Variants in CAB39L observed in about 807,000 individuals in gnomAD.
The protein encoded by CAB39L is calcium-binding protein 39-like.
CAB39L carries 23 observed loss-of-function variants against 39.1 expected under a neutral mutation model. That is an observed-to-expected ratio of 0.59 (90% CI 0.42 to 0.83). The LOEUF (loss-of-function observed/expected upper bound fraction) is 0.83. CAB39L is among the 40% of genes least tolerant of loss of function. The pLI is 0.00. For missense variants in CAB39L, 366 were observed against 391.9 expected, an observed-to-expected ratio of 0.93 and a Z score of 0.56; for synonymous variants, 126 against 137.2, an observed-to-expected ratio of 0.92 and a Z score of 0.57.
At chr13:49,349,737 T>A (rs993103521) in intron 7 of CAB39L, among the ~76,000 whole-genome samples, 1 of 152,174 alleles carries the variant, frequency 6.6e-6, no homozygotes, top group Non-Finnish European at 1.5e-5. Flanking sequence ...GAATGTCAAA[T>A]AGGCTTTTGT....
chr13:49,384,988 G>T (rs1267143772), intron 3 of CAB39L, among the ~76,000 whole-genome samples: 2 of 152,182 alleles, frequency 1.3e-5, no homozygotes, highest in Non-Finnish European at 2.9e-5. Flanking sequence ...GTTACCAGCT[G>T]CATTAGCTCC....
chr13:49,377,140 C>T lies in CAB39L; in HGVS notation c.112-9G>A. On this transcript the variant is annotated splice_polypyrimidine_tract_variant and intron_variant, in intron 4 of 10. Transcript: ENST00000409308. Reference sequence around the variant, plus strand: ...GACACTTCTTCTGAAGCCTAGTGACCAAAACGTATGCTAACGGTTAAAAGA... The same window carrying T: ...GACACTTCTTCTGAAGCCTAGTGACTAAAACGTATGCTAACGGTTAAAAGA... 5.0e-6 allele frequency: 8 copies of T among 1,609,850 alleles called. No homozygotes were observed. Among genetic ancestry groups the T allele is most frequent in the Non-Finnish European group, 6.8e-6 (8 of 1,177,280 alleles).
chr13:49,412,598 T>C (rs1394151139), intron 3 of CAB39L, among the ~76,000 whole-genome samples: 3 of 152,186 alleles, frequency 2.0e-5, no homozygotes, highest in South Asian at 2.1e-4. Context: ...GTTTGAGGGC[T>C]AAATCTCACT....
intron 6 of CAB39L, among the ~76,000 whole-genome samples, chr13:49,355,391 A>G (rs993571299): frequency 6.6e-6 from 1 of 152,126 alleles, no homozygotes; most frequent in African/African-American, 2.4e-5. Context: ...CGATAAATAA[A>G]TAAAATAATG....
rs913079773 is a variant in CAB39L, at chr13:49,386,721, C to T, written c.-31-3780G>A. Among the ~76,000 whole-genome samples the T allele has an allele frequency of 2.6e-5, 4 of 151,758 alleles. No individual in the cohort carries two copies. In the South Asian group the frequency reaches 8.3e-4, roughly 32 times the overall value. On this transcript the variant is annotated intron_variant, in intron 3 of 10. Coordinates refer to ENST00000409308, the MANE Select transcript of CAB39L (RefSeq NM_001079670.3). ...ATGCTTGAGTTCCAGCACCCAGACC[C>T]CCTGCAAATTAAGGCAGAACTCTCC...
intron 10 of CAB39L, among the ~76,000 whole-genome samples, chr13:49,314,825 G>C (rs1169686952): frequency 6.6e-6 from 1 of 152,164 alleles, no homozygotes; most frequent in Admixed American, 6.5e-5. Context: ...GTGCCATTAG[G>C]TAACTGTGAG....
intron 6 of CAB39L, among the ~76,000 whole-genome samples, chr13:49,358,908 A>AT (rs1411191987): frequency 6.6e-6 from 1 of 152,170 alleles, no homozygotes; most frequent in Non-Finnish European, 1.5e-5. Flanking sequence ...ACTGCTATTT[A>AT]TTGATATATC....
At chr13:49,390,186 C>T (rs533172400) in intron 3 of CAB39L, among the ~76,000 whole-genome samples, 1 of 152,202 alleles carries the variant, frequency 6.6e-6, no homozygotes, top group East Asian at 1.9e-4. Flanking sequence ...CACACCTGAC[C>T]CATACTAGCT....
At chr13:49,387,793 G>A (rs1956397742) in intron 3 of CAB39L, among the ~76,000 whole-genome samples, 1 of 152,166 alleles carries the variant, frequency 6.6e-6, no homozygotes, top group Admixed American at 6.6e-5. Context: ...GTAAAAGACT[G>A]AAAATACACA....
chr13:49,347,858 T>C (rs576150361), intron 7 of CAB39L, among the ~76,000 whole-genome samples: 148 of 151,874 alleles, frequency 9.7e-4, no homozygotes, highest in Non-Finnish European at 1.8e-3. Flanking sequence ...TCCCAAGCCC[T>C]TCCTCCTTCT....
chr13:49,328,375 G>A (rs1015124159), intron 10 of CAB39L, among the ~76,000 whole-genome samples: 2 of 151,978 alleles, frequency 1.3e-5, no homozygotes, highest in Non-Finnish European at 2.9e-5. Flanking sequence ...GGCCAATCAG[G>A]TTTCCTCATC....
intron 3 of CAB39L, among the ~76,000 whole-genome samples, chr13:49,385,174 T>C (rs1956331037): frequency 6.6e-6 from 1 of 152,260 alleles, no homozygotes; most frequent in African/African-American, 2.4e-5. Flanking sequence ...GATAACTTGC[T>C]GCAGCTTCTA....
intron 10 of CAB39L, among the ~76,000 whole-genome samples, chr13:49,330,047 T>C (rs1449488933): frequency 6.6e-6 from 1 of 152,136 alleles, no homozygotes; most frequent in Non-Finnish European, 1.5e-5. Context: ...ATTCCAGAGA[T>C]AACCTCAAGG....
At chr13:49,324,134 A>C (rs1954432579) in intron 10 of CAB39L, among the ~76,000 whole-genome samples, 1 of 151,948 alleles carries the variant, frequency 6.6e-6, no homozygotes, top group Non-Finnish European at 1.5e-5. Context: ...CAACTTGGTG[A>C]AACCCCATCT....
chr13:49,348,521 T>C lies in CAB39L; in HGVS notation c.564+2223A>G, dbSNP rs1048279311. Among the ~76,000 whole-genome samples, 8 of 152,056 alleles carry C rather than the reference T, an allele frequency of 5.3e-5. No individual in the cohort carries two copies. In the South Asian group the frequency reaches 8.3e-4, roughly 16 times the overall value. ...AGGCTGAGGCTGCAATGAGCTGAGATTGCACCACTGCACTCCAGCCTAGGT... is the reference window on the plus strand; with the variant it reads ...AGGCTGAGGCTGCAATGAGCTGAGACTGCACCACTGCACTCCAGCCTAGGT... On this transcript the variant is annotated intron_variant, in intron 7 of 10. Coordinates refer to ENST00000409308, the MANE Select transcript of CAB39L (RefSeq NM_001079670.3).
intron 3 of CAB39L, among the ~76,000 whole-genome samples, chr13:49,383,710 G>A (rs986017948): frequency 6.6e-6 from 1 of 152,148 alleles, no homozygotes; most frequent in Non-Finnish European, 1.5e-5. Context: ...GTGTGCAATA[G>A]TATTATATCT....
intron 3 of CAB39L, among the ~76,000 whole-genome samples, chr13:49,383,346 A>C (rs1301001714): frequency 2.0e-5 from 3 of 152,194 alleles, no homozygotes; most frequent in Non-Finnish European, 2.9e-5. Context: ...TCCATGACAT[A>C]GTTAATGAAC....
chr13:49,324,796 A>G (rs1436101486), intron 10 of CAB39L, among the ~76,000 whole-genome samples: 1 of 152,260 alleles, frequency 6.6e-6, no homozygotes, highest in African/African-American at 2.4e-5. Flanking sequence ...ATTATTGTTA[A>G]TGCAATTGCT....
chr13:49,371,069 T>C (rs1359112524), intron 5 of CAB39L, among the ~76,000 whole-genome samples: 2 of 152,214 alleles, frequency 1.3e-5, no homozygotes, highest in African/African-American at 4.8e-5. Context: ...GCATTTCAAA[T>C]TGTTAAATGT....
Sources: allele counts gnomAD v4.1 joint callset (sites outside exome capture counted in the v4.1 genomes callset), GRCh38; gene constraint gnomAD v4.1.1; transcripts MANE v1.5; gene names NCBI Gene and HGNC (gene_info 2026-07-23, HGNC 2026-07-21).